RGS6: variants seen among roughly 807,000 people sequenced by gnomAD.
RGS6 encodes the protein regulator of G protein signaling 6.
In RGS6, 30 loss-of-function variants were observed where a neutral mutation model predicts 78.5. That is an observed-to-expected ratio of 0.38 (90% confidence interval 0.29 to 0.52). RGS6 has a LOEUF of 0.52. RGS6 is among the 20% of genes least tolerant of loss of function. The probability of loss-of-function intolerance (pLI) is 0.85; values close to 1 mark genes in which losing one functional copy is unlikely to be tolerated. For synonymous variants in RGS6, 206 were observed against 206.0 expected, an observed-to-expected ratio of 1.00 and a Z score of 0.00; for missense variants, 495 against 609.7, an observed-to-expected ratio of 0.81 and a Z score of 1.98.
intron 3 of RGS6, among the ~76,000 whole-genome samples, chr14:72,447,358 C>T (rs548647765): frequency 1.7e-4 from 26 of 152,282 alleles, no homozygotes; most frequent in African/African-American, 6.0e-4. Flanking sequence ...AGTGAGGCCT[C>T]ACCAGACTAG....
intron 3 of RGS6, among the ~76,000 whole-genome samples, chr14:72,410,539 G>T (rs2093330963): frequency 6.6e-6 from 1 of 152,294 alleles, no homozygotes; most frequent in African/African-American, 2.4e-5. Context: ...TCTGATGGTG[G>T]TTTCTTTTGC....
intron 2 of RGS6, among the ~76,000 whole-genome samples, chr14:72,100,549 T>A (rs1273603479): frequency 3.3e-5 from 5 of 152,122 alleles, no homozygotes. Flanking sequence ...GAAGGCATCG[T>A]GCGGACAGGG....
At chr14:72,307,637 A>C (rs2067563973) in intron 2 of RGS6, among the ~76,000 whole-genome samples, 1 of 152,096 alleles carries the variant, frequency 6.6e-6, no homozygotes, top group African/African-American at 2.4e-5. Flanking sequence ...AGAATGTTTT[A>C]ATTATTATAT....
intron 2 of RGS6, among the ~76,000 whole-genome samples, chr14:72,290,320 A>G (rs1447063774): frequency 6.6e-6 from 1 of 152,082 alleles, no homozygotes; most frequent in East Asian, 1.9e-4. Context: ...CACCTTTGCT[A>G]GGTCACAGGT....
At chr14:72,567,246 T>G (rs2097714433), downstream of RGS6, among the ~76,000 whole-genome samples, 1 of 152,140 alleles carries the variant, frequency 6.6e-6, no homozygotes, top group African/African-American at 2.4e-5. Flanking sequence ...TGTGCAGGAT[T>G]TTCTGCCCCA....
chr14:72,243,194 C>A (rs847257), intron 2 of RGS6, among the ~76,000 whole-genome samples: 136,186 of 152,002 alleles, frequency 0.9, 61,169 homozygotes, highest in South Asian at 0.93. Flanking sequence ...AACATGTTTA[C>A]AACTTCTGAG....
At chr14:72,284,001 A>C (rs1421694565) in intron 2 of RGS6, among the ~76,000 whole-genome samples, 2 of 152,202 alleles carry the variant, frequency 1.3e-5, no homozygotes, top group Non-Finnish European at 2.9e-5. Context: ...TAGCAAAGAG[A>C]CTGGTGGCAT....
At chr14:72,438,266 G>A (rs1237499801) in intron 3 of RGS6, among the ~76,000 whole-genome samples, 1 of 152,116 alleles carries the variant, frequency 6.6e-6, no homozygotes, top group Non-Finnish European at 1.5e-5. Flanking sequence ...CTGCTCACAA[G>A]CCAAGGCCTT....
Position 72,473,273 on chromosome 14 carries a change from C to T in RGS6, c.618+320C>T, listed in dbSNP as rs571402731. On this transcript the variant is annotated intron_variant, in intron 9 of 17. Coordinates refer to ENST00000553525, the MANE Select transcript of RGS6 (RefSeq NM_001204424.2). ...CCTGGCTAACACGGTGAAACCCCGTCGCTACTAAAAATACAAAAAAATTAG... is the reference window on the plus strand; with the variant it reads ...CCTGGCTAACACGGTGAAACCCCGTTGCTACTAAAAATACAAAAAAATTAG... Among the ~76,000 whole-genome samples the T allele has an allele frequency of 2.9e-4, 44 of 152,270 alleles. 1 individual carries two copies. Among genetic ancestry groups the T allele is most frequent in the South Asian group, 1.0e-3 (5 of 4,824 alleles).
the RGS6 span, among the ~76,000 whole-genome samples, chr14:72,589,119 T>A: frequency 6.6e-6 from 1 of 152,146 alleles, no homozygotes; most frequent in Non-Finnish European, 1.5e-5. Flanking sequence ...ACTAATAATT[T>A]AAGAAATACA....
At chr14:71,972,256 A>G in intron 2 of RGS6, among the ~76,000 whole-genome samples, 1 of 152,014 alleles carries the variant, frequency 6.6e-6, no homozygotes, top group Non-Finnish European at 1.5e-5. Flanking sequence ...TGTGAATACC[A>G]AGATCCAGAA....
chr14:72,572,891 G>C, the RGS6 span, among the ~76,000 whole-genome samples: 1 of 151,188 alleles, frequency 6.6e-6, no homozygotes, highest in Non-Finnish European at 1.5e-5. Context: ...GGGAGGGAGG[G>C]AAACAGGAAA....
At chr14:71,959,220 G>T (rs1350624164) in intron 1 of RGS6, among the ~76,000 whole-genome samples, 3 of 152,094 alleles carry the variant, frequency 2.0e-5, no homozygotes, top group Non-Finnish European at 2.9e-5. Flanking sequence ...TTCCCCTTGG[G>T]ATTCCTGCCC....
At chr14:72,058,262 C>G (rs181427526) in intron 2 of RGS6, among the ~76,000 whole-genome samples, 1 of 152,090 alleles carries the variant, frequency 6.6e-6, no homozygotes, top group Non-Finnish European at 1.5e-5. Flanking sequence ...AATATAATAG[C>G]TGCCAATTGA....
At position 71,958,544 on chromosome 14, in the gene RGS6, G is replaced by A. The variant is rs150668965; in HGVS notation, c.-20-6228G>A. ...CAGTGGGGCTAAATATGTTGCTTAC[G>A]GCCACACAGCACTTAAATGATATAG... On this transcript the variant is annotated intron_variant, in intron 1 of 17. Transcript: ENST00000553525. Among the ~76,000 whole-genome samples the A allele has an allele frequency of 8.5e-5, 13 of 152,236 alleles. No homozygotes were observed. The East Asian group carries it at 2.3e-3, about 27-fold the overall frequency.
intron 2 of RGS6, among the ~76,000 whole-genome samples, chr14:72,311,462 G>A (rs1040047255): frequency 6.6e-6 from 1 of 151,920 alleles, no homozygotes; most frequent in Non-Finnish European, 1.5e-5. Context: ...ATAATCCTAC[G>A]GCTGAAGGTT....
Position 72,562,854 on chromosome 14 carries a change from C to G in RGS6, c.*387C>G. 1 of 1,133,794 alleles carries G rather than the reference C, an allele frequency of 8.8e-7. No individual in the cohort carries two copies. The highest frequency in any genetic ancestry group is 1.9e-4 in the Middle Eastern group (1 of 5,158). The allele number at this position is 1,133,794 out of a possible 1,614,324, so 70.2% of individuals were successfully genotyped here. A position where few individuals can be genotyped will look rare whatever the true frequency, so the allele number is the denominator to read the frequency against. On this transcript the variant is annotated 3_prime_UTR_variant, in exon 18 of 18. Transcript: ENST00000553525. ...CCCTCGCTGTCTGGAGACGGTCACACCTTCTGGCAAATTCAAGAGGCATGA... is the reference window on the plus strand; with the variant it reads ...CCCTCGCTGTCTGGAGACGGTCACAGCTTCTGGCAAATTCAAGAGGCATGA...
chr14:71,888,248 T>C, the RGS6 span, among the ~76,000 whole-genome samples: 8 of 151,078 alleles, frequency 5.3e-5, no homozygotes, highest in East Asian at 9.7e-4. Flanking sequence ...ATCTCAAAAA[T>C]AAAACAAAAC....
intron 2 of RGS6, among the ~76,000 whole-genome samples, chr14:72,166,241 T>A (rs2096925951): frequency 1.3e-5 from 2 of 152,182 alleles, no homozygotes; most frequent in African/African-American, 4.8e-5. Context: ...CCACTTTAGT[T>A]GCAGTTTTGT....
Sources: gnomAD v4.1 joint callset for allele counts (sites outside exome capture counted in the v4.1 genomes callset) on GRCh38, gnomAD v4.1.1 for gene constraint, MANE v1.5 for transcripts, NCBI Gene and HGNC (gene_info 2026-07-23, HGNC 2026-07-21) for gene names.